ANK2: variants seen among roughly 807,000 people sequenced by gnomAD.
The protein encoded by ANK2 is ankyrin-2.
Under a neutral mutation model 360.5 loss-of-function variants are expected in ANK2, and 83 were observed. The ratio of observed to expected loss-of-function variants is 0.23; its 90% CI spans 0.19 to 0.28. The LOEUF is 0.28. Among genes scored for constraint, ANK2 ranks in the 10% least tolerant of loss-of-function variants. The pLI, the probability that ANK2 is intolerant of heterozygous loss-of-function variation, is 1.00. For synonymous variants in ANK2, 1,740 were observed against 1,759.5 expected (o/e 0.99, Z 0.28); for missense variants, 4,201 against 4,795.7 (o/e 0.88, Z 3.66).
chr4:113,306,821 T>C (rs898337871), intron 23 of ANK2, among the ~76,000 whole-genome samples: 2 of 152,208 alleles, frequency 1.3e-5, no homozygotes, highest in Non-Finnish European at 2.9e-5. Context: ...ATGAAAACTA[T>C]TGTAATAGCA....
chr4:112,933,401 A>G (rs2093431771), intron 2 of ANK2, among the ~76,000 whole-genome samples: 1 of 152,212 alleles, frequency 6.6e-6, no homozygotes, highest in Non-Finnish European at 1.5e-5. Flanking sequence ...CACACTCTGT[A>G]GCTTTGGATA....
rs2154060926 is a variant in ANK2 at position 113,367,828 on chromosome 4, T to C, written c.11295T>C (p.Ser3765=). ...GKMQDLPEES[S]LEYQQEYFVT... ...TGCAAGACCTGCCTGAAGAGTCATC[T>C]CTGGAATATCAGCAGGAATATTTGT... The change falls in exon 42 of 46, where the codon TCT becomes TCC. Residue 3765 remains serine, a synonymous_variant. Transcript: ENST00000357077. 6.2e-7 allele frequency: 1 copy of C among 1,614,132 alleles called. No individual in the cohort carries two copies. Among genetic ancestry groups the C allele is most frequent in the Admixed American group, 1.7e-5 (1 of 60,010 alleles).
rs535078490 is a variant in ANK2, at chr4:112,937,607, C to A, written c.21+33093C>A. Among the ~76,000 whole-genome samples, 15 of 152,300 alleles carry A rather than the reference C, an allele frequency of 9.8e-5. No individual in the cohort carries two copies. The South Asian group carries it at 2.9e-3, about 29-fold the overall frequency. On this transcript the variant is annotated intron_variant, in intron 2 of 30. Transcript: ENST00000503271. ...CCTCCCAAAGTGCTGATATTACAGG[C>A]GTGAGCCACCGCGCCCGGCCTTATT...
the ANK2 span, among the ~76,000 whole-genome samples, chr4:112,735,568 T>G: frequency 6.6e-6 from 1 of 152,180 alleles, no homozygotes; most frequent in African/African-American, 2.4e-5. Context: ...AAGGGGGCTT[T>G]CCTTGTTACA....
Position 113,277,827 on chromosome 4 carries a change from A to T in ANK2, c.1684-10A>T, listed in dbSNP as rs2153698224. 6.2e-7 allele frequency: 1 copy of T among 1,603,136 alleles called. No individual in the cohort carries two copies. ...AAATACGATTTTACTTTTGTTTCTC[A>T]CATTTTCAGAAGGGTTTTACTCCCC... On this transcript the variant is annotated splice_polypyrimidine_tract_variant and intron_variant, in intron 15 of 45. Coordinates refer to ENST00000357077, the MANE Select transcript of ANK2 (RefSeq NM_001148.6).
At chr4:113,201,772 G>T (rs1321814842) in intron 4 of ANK2, among the ~76,000 whole-genome samples, 1 of 152,154 alleles carries the variant, frequency 6.6e-6, no homozygotes, top group Non-Finnish European at 1.5e-5. Context: ...ATGCTTTGGA[G>T]GCTTCTCACG....
chr4:113,373,604 A>G (rs1447688305), intron 45 of ANK2, 155 bp downstream of exon 45: 1 of 839,792 alleles, frequency 1.2e-6, no homozygotes. Context: ...TGTTTTCATG[A>G]TTCTATGTGA....
chr4:113,106,283 C>T (rs569644842), intron 1 of ANK2, among the ~76,000 whole-genome samples: 2 of 152,266 alleles, frequency 1.3e-5, no homozygotes, highest in South Asian at 4.1e-4. Flanking sequence ...CTACCAAACT[C>T]CATTAGTTTC....
chr4:112,878,636 T>C (rs964997449), intron 1 of ANK2, among the ~76,000 whole-genome samples: 6 of 151,210 alleles, frequency 4.0e-5, no homozygotes, highest in African/African-American at 7.3e-5. Context: ...CTGACTCTTA[T>C]TAATTTTTTG....
At chr4:113,086,851 G>C (rs570118039) in intron 1 of ANK2, among the ~76,000 whole-genome samples, 1 of 152,124 alleles carries the variant, frequency 6.6e-6, no homozygotes, top group South Asian at 2.1e-4. Context: ...AAGGGAACTC[G>C]CTTGGCATGC....
chr4:113,237,192 T>C lies in ANK2; in HGVS notation c.669+20T>C. The C allele has an allele frequency of 6.2e-7, 1 of 1,610,362 alleles. No homozygotes were observed. The highest frequency in any genetic ancestry group is 8.5e-7 in the Non-Finnish European group (1 of 1,177,116). On this transcript the variant is annotated intron_variant, in intron 6 of 45. Transcript: ENST00000357077. Reference sequence around the variant, plus strand: ...TCCAAGGTACTTAAAGCTGAACACATTTGTGGAAAGGAACTCTTTGGCTGC... The same window carrying C: ...TCCAAGGTACTTAAAGCTGAACACACTTGTGGAAAGGAACTCTTTGGCTGC...
intron 1 of ANK2, among the ~76,000 whole-genome samples, chr4:112,856,136 T>C (rs1314638579): frequency 6.6e-6 from 1 of 152,182 alleles, no homozygotes; most frequent in East Asian, 1.9e-4. Context: ...CTTTTGACTA[T>C]GTCTAGTATT....
At chr4:113,231,184 T>G (rs976845327) in intron 4 of ANK2, among the ~76,000 whole-genome samples, 2 of 152,040 alleles carry the variant, frequency 1.3e-5, no homozygotes, top group African/African-American at 4.8e-5. Context: ...CCCGAGTAGC[T>G]GGGATTACAG....
intron 1 of ANK2, among the ~76,000 whole-genome samples, chr4:113,167,761 G>A (rs554060626): frequency 1.3e-5 from 2 of 152,210 alleles, no homozygotes; most frequent in East Asian, 3.9e-4. Context: ...GCAACCAAAA[G>A]CCCCTTTCTG....
intron 22 of ANK2, among the ~76,000 whole-genome samples, chr4:113,301,369 A>G (rs1210515908): frequency 1.9e-5 from 2 of 103,552 alleles, no homozygotes; most frequent in African/African-American, 4.3e-5. Context: ...ATACAACATG[A>G]TGTTTTGATA....
At chr4:112,937,461 G>A (rs1489542189) in intron 2 of ANK2, among the ~76,000 whole-genome samples, 6 of 151,836 alleles carry the variant, frequency 4.0e-5, no homozygotes, top group Non-Finnish European at 8.8e-5. Context: ...CTGAGTAGCT[G>A]GGATTACAGG....
chr4:112,795,534 C>T, the ANK2 span, among the ~76,000 whole-genome samples: 7 of 152,260 alleles, frequency 4.6e-5, no homozygotes, highest in African/African-American at 2.4e-5. Context: ...GATGGAGTCT[C>T]GCTCTGTCCC....
chr4:112,843,843 A>T (rs758173588), intron 1 of ANK2, among the ~76,000 whole-genome samples: 5 of 152,182 alleles, frequency 3.3e-5, no homozygotes, highest in Non-Finnish European at 7.4e-5. Flanking sequence ...CTGATTCTAA[A>T]TATCTTCTAA....
the ANK2 span, among the ~76,000 whole-genome samples, chr4:112,762,473 C>A: frequency 2.6e-5 from 4 of 151,956 alleles, no homozygotes; most frequent in Admixed American, 6.6e-5. Flanking sequence ...AAATATTAAT[C>A]AAAAAAAGTA....
Sources: gnomAD v4.1 joint callset for allele counts (sites outside exome capture counted in the v4.1 genomes callset) on GRCh38, gnomAD v4.1.1 for gene constraint, MANE v1.5 for transcripts, NCBI Gene and HGNC (gene_info 2026-07-23, HGNC 2026-07-21) for gene names.